Variants in RANBP17 observed in about 807,000 individuals in gnomAD.
RANBP17 encodes the protein RAN binding protein 17, also known as ran-binding protein 17.
A neutral mutation model predicts 141.2 loss-of-function variants in RANBP17; 158 were observed. The ratio of observed to expected loss-of-function variants is 1.12; its 90% CI spans 0.98 to 1.28. RANBP17 has a LOEUF of 1.28. Among genes scored for constraint, RANBP17 ranks in the 50% most tolerant of loss-of-function variants. The probability of loss-of-function intolerance (pLI) is 0.00; values close to 1 mark genes in which losing one functional copy is unlikely to be tolerated. For missense variants in RANBP17, 1,438 were observed against 1,290.7 expected (o/e 1.11, Z -1.75); for synonymous variants, 430 against 450.0 (o/e 0.96, Z 0.56).
intron 25 of RANBP17, 140 bp downstream of exon 25, chr5:171,265,987 AT>A: frequency 1.5e-6 from 1 of 664,580 alleles, no homozygotes; most frequent in Non-Finnish European, 2.4e-6. Context: ...GTCTGGGAGT[AT>A]TTTCCCTGAA....
intron 14 of RANBP17, among the ~76,000 whole-genome samples, chr5:170,993,965 A>G (rs953466231): frequency 4.6e-5 from 7 of 152,180 alleles, no homozygotes; most frequent in Admixed American, 2.6e-4. Context: ...TTTATAATGC[A>G]TATTGGCATG....
chr5:171,219,015 G>A (rs560005939), intron 21 of RANBP17, among the ~76,000 whole-genome samples: 3 of 152,220 alleles, frequency 2.0e-5, no homozygotes, highest in Admixed American at 6.5e-5. Context: ...ATTTTGGTGC[G>A]TTTTTGCAGT....
intron 14 of RANBP17, among the ~76,000 whole-genome samples, chr5:171,058,473 C>T (rs1432558968): frequency 4.0e-5 from 6 of 151,708 alleles, no homozygotes; most frequent in Middle Eastern, 3.4e-3. Context: ...CATCCATGTC[C>T]CTACAAAGGA....
intron 25 of RANBP17, among the ~76,000 whole-genome samples, chr5:171,280,508 G>A (rs1767789263): frequency 6.6e-6 from 1 of 152,090 alleles, no homozygotes; most frequent in South Asian, 2.1e-4. Flanking sequence ...CCAAACTCCT[G>A]AGCTGAAGTG....
chr5:171,030,511 A>G (rs1007843381), intron 14 of RANBP17, among the ~76,000 whole-genome samples: 1 of 152,036 alleles, frequency 6.6e-6, no homozygotes, highest in African/African-American at 2.4e-5. Context: ...CAGAAAAGCC[A>G]TTTATTTAAT....
intron 22 of RANBP17, among the ~76,000 whole-genome samples, chr5:171,224,352 T>A (rs1471138278): frequency 6.6e-6 from 1 of 152,242 alleles, no homozygotes. Context: ...TACCCCTTTT[T>A]CTGGATCTTT....
intron 13 of RANBP17, among the ~76,000 whole-genome samples, chr5:170,966,290 C>G (rs146200753): frequency 0.015 from 2,257 of 152,076 alleles, 27 homozygotes; most frequent in Admixed American, 0.024. Context: ...TGCAAAAATC[C>G]TCAATAAAAT....
At chr5:170,862,499 C>G (rs1463488025) in intron 1 of RANBP17, among the ~76,000 whole-genome samples, 5 of 152,228 alleles carry the variant, frequency 3.3e-5, no homozygotes, top group Non-Finnish European at 5.9e-5. Context: ...CGTCAGCCTC[C>G]CTCCACACAG....
intron 14 of RANBP17, among the ~76,000 whole-genome samples, chr5:171,087,910 CTT>C (rs1785817286): frequency 7.4e-6 from 1 of 134,548 alleles, no homozygotes; most frequent in Non-Finnish European, 1.6e-5. Flanking sequence ...GATCTTGACT[CTT>C]TATCCAATTT....
intron 14 of RANBP17, among the ~76,000 whole-genome samples, chr5:171,076,064 G>A (rs1337324761): frequency 1.3e-5 from 2 of 152,164 alleles, no homozygotes; most frequent in African/African-American, 4.8e-5. Context: ...ACAAAAAGAT[G>A]TACATATGAC....
In RANBP17 at chr5:170,911,094, TGA is replaced by T; in HGVS notation, c.721_722del (p.Asp241SerfsTer54). The T allele has an allele frequency of 6.2e-7, 1 of 1,611,822 alleles. No individual in the cohort carries two copies. Among genetic ancestry groups the T allele is most frequent in the South Asian group, 1.1e-5 (1 of 91,006 alleles). ...IGSSADESAD[D>X]LCTVQIPTTW... ...GCAGTTCAGCAGATGAATCTGCAGA[TGA>T]TCTTTGCACGGTGCAGATTCCAACA... On this transcript the variant is annotated frameshift_variant, in exon 7 of 28. Coordinates refer to ENST00000523189, the MANE Select transcript of RANBP17 (RefSeq NM_022897.5). LOFTEE classifies it high-confidence loss of function.
At chr5:171,071,449 A>T (rs1256779093) in intron 14 of RANBP17, among the ~76,000 whole-genome samples, 4 of 152,008 alleles carry the variant, frequency 2.6e-5, no homozygotes, top group Non-Finnish European at 4.4e-5. Flanking sequence ...CACACTACCC[A>T]ATTTTAATAT....
chr5:171,096,783 T>C (rs759221335), intron 14 of RANBP17, among the ~76,000 whole-genome samples: 15 of 152,154 alleles, frequency 9.9e-5, no homozygotes, highest in Non-Finnish European at 1.5e-4. Context: ...CTGGTTCTTA[T>C]TAACTTTTCT....
chr5:170,944,091 G>A (rs1485925299), intron 12 of RANBP17, among the ~76,000 whole-genome samples: 2 of 151,990 alleles, frequency 1.3e-5, no homozygotes, highest in Non-Finnish European at 2.9e-5. Context: ...CTGCATATGA[G>A]TGAGACCGTA....
intron 14 of RANBP17, among the ~76,000 whole-genome samples, chr5:171,122,710 A>G (rs1414229648): frequency 1.3e-5 from 2 of 152,206 alleles, no homozygotes; most frequent in Non-Finnish European, 2.9e-5. Flanking sequence ...AGAGTAGTAT[A>G]GGAAGCTACT....
rs149351824 is a variant in RANBP17, at chr5:171,195,782, A to G, written c.2039-3888A>G. On this transcript the variant is annotated intron_variant, in intron 18 of 27. Transcript: ENST00000523189. Reference sequence around the variant, plus strand: ...CCAGCTGGAGGATGTTGGGCAGGCTATCTAATTCCTTTGAGTCTCTCTGCT... The same window carrying G: ...CCAGCTGGAGGATGTTGGGCAGGCTGTCTAATTCCTTTGAGTCTCTCTGCT... Among the ~76,000 whole-genome samples, 271 of 152,314 alleles carry G rather than the reference A, an allele frequency of 1.8e-3. 1 individual carries two copies. The highest frequency in any genetic ancestry group is 5.7e-3 in the African/African-American group (238 of 41,582).
At chr5:171,083,552 T>C (rs1785398128) in intron 14 of RANBP17, among the ~76,000 whole-genome samples, 1 of 152,244 alleles carries the variant, frequency 6.6e-6, no homozygotes, top group African/African-American at 2.4e-5. Context: ...AAGTTTGAAC[T>C]GTGCATGTCA....
chr5:170,922,858 A>G (rs960843619), intron 11 of RANBP17, among the ~76,000 whole-genome samples: 4 of 152,176 alleles, frequency 2.6e-5, no homozygotes, highest in African/African-American at 4.8e-5. Context: ...GAGATGAACC[A>G]TGTACCTCAG....
chr5:171,017,819 G>C (rs1780556661), intron 14 of RANBP17, among the ~76,000 whole-genome samples: 1 of 152,190 alleles, frequency 6.6e-6, no homozygotes. Context: ...TCATCATGAA[G>C]TCTTTGCCCA....
Sources: gnomAD v4.1 joint callset for allele counts (sites outside exome capture counted in the v4.1 genomes callset) on GRCh38, gnomAD v4.1.1 for gene constraint, MANE v1.5 for transcripts, NCBI Gene and HGNC (gene_info 2026-07-23, HGNC 2026-07-21) for gene names.